GABRA5: variants seen among roughly 807,000 people sequenced by gnomAD.
GABRA5 encodes gamma-aminobutyric acid type A receptor subunit alpha5.
In GABRA5, 18 loss-of-function variants were observed where a neutral mutation model predicts 47.3. The observed-to-expected ratio is 0.38, with a 90% CI of 0.26 to 0.56. The LOEUF (loss-of-function observed/expected upper bound fraction) is 0.56, where lower values mean the gene tolerates loss of function less well. Ranked by LOEUF, GABRA5 falls within the 20% of genes least tolerant of loss-of-function variation. The pLI, the probability that GABRA5 is intolerant of heterozygous loss-of-function variation, is 0.71. For missense variants in GABRA5, 365 were observed against 599.3 expected, an observed-to-expected ratio of 0.61 and a Z score of 4.08; for synonymous variants, 237 against 229.3, an observed-to-expected ratio of 1.03 and a Z score of -0.30.
intron 6 of GABRA5, among the ~76,000 whole-genome samples, chr15:26,901,371 T>C (rs1893322519): frequency 6.6e-6 from 1 of 152,186 alleles, no homozygotes; most frequent in African/African-American, 2.4e-5. Flanking sequence ...TGTGTAGTGA[T>C]ATCTCAATGT....
chr15:26,895,826 A>AAAAAAAAAG (rs1458730535), intron 6 of GABRA5, among the ~76,000 whole-genome samples: 3 of 136,018 alleles, frequency 2.2e-5, no homozygotes, highest in African/African-American at 5.7e-5. Flanking sequence ...AAAAAAAAAA[A>AAAAAAAAAG]AAGAAGAAGA....
chr15:26,889,659 A>G (rs72712074), intron 6 of GABRA5, among the ~76,000 whole-genome samples: 11,634 of 152,262 alleles, frequency 0.076, 728 homozygotes, highest in African/African-American at 0.17. Context: ...GTCAAGTTCA[A>G]AGTGTCAAGT....
intron 8 of GABRA5, among the ~76,000 whole-genome samples, chr15:26,937,761 G>A (rs1894282491): frequency 6.6e-6 from 1 of 152,248 alleles, no homozygotes; most frequent in African/African-American, 2.4e-5. Context: ...GGAAGCAGAT[G>A]CTCTCAATGC....
intron 8 of GABRA5, chr15:26,939,374 C>T (rs1894330434): frequency 1.3e-6 from 1 of 765,170 alleles, no homozygotes; most frequent in Admixed American, 1.7e-5. Flanking sequence ...ACAGGCGACA[C>T]CTCTCTGGTA....
chr15:26,891,867 C>T (rs988563421), intron 6 of GABRA5, among the ~76,000 whole-genome samples: 3 of 152,222 alleles, frequency 2.0e-5, no homozygotes, highest in African/African-American at 7.2e-5. Context: ...AAGTGACCCG[C>T]TCTGCTCATT....
chr15:26,880,761 C>A, intron 3 of GABRA5, 85 bp from the exon 4 acceptor site: 1 of 1,435,810 alleles, frequency 7.0e-7, no homozygotes. Flanking sequence ...CAAGCCTCCA[C>A]GTGACTCCCT....
chr15:26,885,729 A>C (rs577509735), intron 6 of GABRA5, among the ~76,000 whole-genome samples: 1 of 152,252 alleles, frequency 6.6e-6, no homozygotes, highest in African/African-American at 2.4e-5. Context: ...CAGTCCATGG[A>C]AAAAGGAAGG....
chr15:26,894,359 G>A (rs1010629891), intron 6 of GABRA5, among the ~76,000 whole-genome samples: 1 of 152,180 alleles, frequency 6.6e-6, no homozygotes, highest in Non-Finnish European at 1.5e-5. Flanking sequence ...CCTGCACCCA[G>A]CGTCTGTTCT....
At chr15:26,914,691 A>G (rs748049854) in intron 6 of GABRA5, 112 bp from the exon 7 acceptor site, 10 of 753,724 alleles carry the variant, frequency 1.3e-5, no homozygotes, top group Non-Finnish European at 2.1e-5. Context: ...TAATCTCATA[A>G]GAGACATTAA....
chr15:26,901,199 G>A (rs1038406529), intron 6 of GABRA5, among the ~76,000 whole-genome samples: 1 of 151,360 alleles, frequency 6.6e-6, no homozygotes, highest in African/African-American at 2.5e-5. Context: ...TGCTGATACA[G>A]TAAGGGTTTG....
At chr15:26,901,985 G>T (rs1455167203) in intron 6 of GABRA5, among the ~76,000 whole-genome samples, 1 of 151,932 alleles carries the variant, frequency 6.6e-6, no homozygotes, top group Non-Finnish European at 1.5e-5. Flanking sequence ...TTTCTGGACT[G>T]TGTTCTCTTC....
At chr15:26,901,307 T>A (rs540508504) in intron 6 of GABRA5, among the ~76,000 whole-genome samples, 2 of 152,302 alleles carry the variant, frequency 1.3e-5, no homozygotes, top group African/African-American at 2.4e-5. Context: ...TTGCTCCACA[T>A]CCTCTCCAGT....
At chr15:26,913,208 C>G (rs1719233868) in intron 6 of GABRA5, among the ~76,000 whole-genome samples, 1 of 151,474 alleles carries the variant, frequency 6.6e-6, no homozygotes, top group South Asian at 2.1e-4. Flanking sequence ...AAAATCCTCT[C>G]CTTGCCTGAA....
At chr15:26,908,130 G>T (rs1177184484) in intron 6 of GABRA5, among the ~76,000 whole-genome samples, 1 of 152,114 alleles carries the variant, frequency 6.6e-6, no homozygotes, top group Non-Finnish European at 1.5e-5. Flanking sequence ...TTGTATGCAT[G>T]CATATGTATT....
At chr15:26,881,030 A>C in intron 4 of GABRA5, 63 bp downstream of exon 4, 1 of 1,577,734 alleles carries the variant, frequency 6.3e-7, no homozygotes, top group Non-Finnish European at 8.6e-7. Flanking sequence ...TCTCGTCTCA[A>C]GCTTGTGTTT....
At chr15:26,868,139 G>C (rs1892368414) in intron 1 of GABRA5, 1 of 151,998 alleles carries the variant, frequency 6.6e-6, no homozygotes, top group African/African-American at 2.4e-5. Context: ...TGGGAGCGCA[G>C]CCTCTCCTGG....
At chr15:26,886,701 G>A (rs943989145) in intron 6 of GABRA5, among the ~76,000 whole-genome samples, 2 of 152,186 alleles carry the variant, frequency 1.3e-5, no homozygotes, top group Non-Finnish European at 2.9e-5. Flanking sequence ...GTGGCTTTTT[G>A]GGAGTGTCAT....
chr15:26,891,242 C>G (rs935794375), intron 6 of GABRA5, among the ~76,000 whole-genome samples: 1 of 152,122 alleles, frequency 6.6e-6, no homozygotes, highest in African/African-American at 2.4e-5. Flanking sequence ...AGGTCCTGAC[C>G]CCACAAAGGC....
chr15:26,913,681 A>G (rs1164618857), intron 6 of GABRA5, among the ~76,000 whole-genome samples: 1 of 152,142 alleles, frequency 6.6e-6, no homozygotes, highest in African/African-American at 2.4e-5. Flanking sequence ...ATTTATTTTA[A>G]ATAATGGAAA....
Sources: allele counts gnomAD v4.1 joint callset (sites outside exome capture counted in the v4.1 genomes callset), GRCh38; gene constraint gnomAD v4.1.1; transcripts MANE v1.5; gene names NCBI Gene and HGNC (gene_info 2026-07-23, HGNC 2026-07-21).